Variants in CRADD observed in about 807,000 individuals in gnomAD.
The protein encoded by CRADD is death domain-containing protein CRADD.
CRADD carries 9 observed loss-of-function variants against 15.5 expected under a neutral mutation model. The ratio of observed to expected loss-of-function variants is 0.58; its 90% CI spans 0.35 to 1.01. The LOEUF (loss-of-function observed/expected upper bound fraction) is 1.01. Ranked by LOEUF, CRADD falls within the 50% of genes least tolerant of loss-of-function variation. The pLI is 0.02. For missense variants in CRADD, 227 were observed against 250.3 expected (o/e 0.91, Z 0.63); for synonymous variants, 118 against 107.6 (o/e 1.10, Z -0.60).
intron 2 of CRADD, among the ~76,000 whole-genome samples, chr12:93,713,006 G>A (rs991650117): frequency 2.6e-5 from 4 of 152,150 alleles, no homozygotes; most frequent in African/African-American, 9.7e-5. Context: ...GGACCATAGA[G>A]CTGCTCAAAT....
intron 2 of CRADD, among the ~76,000 whole-genome samples, chr12:93,833,117 G>A (rs1957929151): frequency 6.6e-6 from 1 of 152,160 alleles, no homozygotes; most frequent in Non-Finnish European, 1.5e-5. Context: ...ACTTTATTGT[G>A]TTACACAAAT....
chr12:93,740,803 C>G (rs1956654486), intron 2 of CRADD, among the ~76,000 whole-genome samples: 1 of 152,074 alleles, frequency 6.6e-6, no homozygotes, highest in Non-Finnish European at 1.5e-5. Flanking sequence ...AATAAAATGT[C>G]TATTTGCAGG....
At chr12:93,817,501 T>C (rs894361706) in intron 2 of CRADD, among the ~76,000 whole-genome samples, 21 of 152,328 alleles carry the variant, frequency 1.4e-4, no homozygotes, top group African/African-American at 5.1e-4. Flanking sequence ...AAGGTCACAG[T>C]GGCTGTCGCC....
intron 2 of CRADD, among the ~76,000 whole-genome samples, chr12:93,830,734 A>G (rs1341241907): frequency 6.6e-6 from 1 of 152,202 alleles, no homozygotes; most frequent in African/African-American, 2.4e-5. Flanking sequence ...ACTGAGCTCC[A>G]CAGTAATCAT....
At chr12:93,768,716 T>C (rs1198413500) in intron 2 of CRADD, among the ~76,000 whole-genome samples, 1 of 152,174 alleles carries the variant, frequency 6.6e-6, no homozygotes, top group Non-Finnish European at 1.5e-5. Context: ...TGCAGAAAAG[T>C]ACACAGATCC....
At chr12:93,722,153 C>A (rs1956277010) in intron 2 of CRADD, among the ~76,000 whole-genome samples, 1 of 152,194 alleles carries the variant, frequency 6.6e-6, no homozygotes, top group African/African-American at 2.4e-5. Context: ...CCTCTCCACA[C>A]TAAATAGTTC....
In CRADD at chr12:93,836,358, C is replaced by T. The variant is rs76309936; in HGVS notation, c.299-13612C>T. Among the ~76,000 whole-genome samples the T allele has an allele frequency of 9.3e-3, 1,410 of 152,180 alleles. 15 individuals carry two copies. The highest frequency in any genetic ancestry group is 0.031 in the African/African-American group (1,305 of 41,516). ...ATGGGCTTCATTTTTATTTTATTAC[C>T]TTTTCTTCATTCCCTTAGGTGTTAG... is the stretch of plus-strand genomic sequence containing the variant. On this transcript the variant is annotated intron_variant, in intron 2 of 2. Transcript: ENST00000332896.
intron 2 of CRADD, among the ~76,000 whole-genome samples, chr12:93,876,126 G>A (rs1011594638): frequency 2.6e-5 from 4 of 152,098 alleles, no homozygotes; most frequent in African/African-American, 9.7e-5. Flanking sequence ...CTTTAAATAT[G>A]TCATGTCATT....
rs368680930 is a variant in CRADD, at chr12:93,806,719, A to G, written c.299-43251A>G. Reference sequence around the variant, plus strand: ...AAAAATAAGGAGTAGAAGACATTACATGTTTCATAAGGTAAAGATTGATGG... The same window carrying G: ...AAAAATAAGGAGTAGAAGACATTACGTGTTTCATAAGGTAAAGATTGATGG... On this transcript the variant is annotated intron_variant, in intron 2 of 2. Transcript: ENST00000332896. 3.3e-5 allele frequency among the ~76,000 whole-genome samples: 5 copies of G among 152,234 alleles called. No individual in the cohort carries two copies. In the East Asian group the frequency reaches 5.8e-4, roughly 18 times the overall value.
chr12:93,716,963 C>T (rs1425031699), intron 2 of CRADD, among the ~76,000 whole-genome samples: 2 of 152,188 alleles, frequency 1.3e-5, no homozygotes, highest in East Asian at 1.9e-4. Context: ...AACTGTCTTC[C>T]AAAGTGGCTA....
intron 2 of CRADD, among the ~76,000 whole-genome samples, chr12:93,695,806 G>T (rs1339377468): frequency 1.3e-5 from 2 of 152,286 alleles, no homozygotes; most frequent in Admixed American, 1.3e-4. Flanking sequence ...TGAGGCAGGA[G>T]AATCACTTGA....
intron 2 of CRADD, among the ~76,000 whole-genome samples, chr12:93,820,085 T>G (rs1957752374): frequency 6.6e-6 from 1 of 152,226 alleles, no homozygotes; most frequent in African/African-American, 2.4e-5. Flanking sequence ...CAGCCCCCTT[T>G]GATGCTTCCC....
chr12:93,810,412 A>G (rs1301919326), intron 2 of CRADD, among the ~76,000 whole-genome samples: 3 of 151,912 alleles, frequency 2.0e-5, no homozygotes, highest in Admixed American at 6.6e-5. Context: ...TTAGCTGGGC[A>G]TGGTGGCGCA....
At chr12:93,873,077 A>G (rs1044906984) in intron 2 of CRADD, among the ~76,000 whole-genome samples, 3 of 151,864 alleles carry the variant, frequency 2.0e-5, no homozygotes, top group African/African-American at 7.3e-5. Context: ...GTCCTCTTCA[A>G]TTTCTTTCAT....
At chr12:93,817,354 G>A (rs1329151161) in intron 2 of CRADD, among the ~76,000 whole-genome samples, 3 of 152,326 alleles carry the variant, frequency 2.0e-5, no homozygotes, top group Non-Finnish European at 2.9e-5. Context: ...GACAGGGAAC[G>A]TGGAGCTTAA....
At chr12:93,682,979 C>T (rs186863088) in intron 2 of CRADD, among the ~76,000 whole-genome samples, 1 of 152,190 alleles carries the variant, frequency 6.6e-6, no homozygotes, top group Non-Finnish European at 1.5e-5. Context: ...TCTCTCTGGC[C>T]AAGGTCACAT....
intron 2 of CRADD, among the ~76,000 whole-genome samples, chr12:93,698,018 A>G (rs898621694): frequency 2.0e-5 from 3 of 152,190 alleles, no homozygotes; most frequent in African/African-American, 7.2e-5. Flanking sequence ...CTCTGGGGAT[A>G]GGGAAGGCAT....
chr12:93,852,631 T>A (rs1958237271), downstream of CRADD, among the ~76,000 whole-genome samples: 1 of 152,214 alleles, frequency 6.6e-6, no homozygotes, highest in South Asian at 2.1e-4. Context: ...TAATGCTACA[T>A]AGCAGCTGCC....
intron 2 of CRADD, among the ~76,000 whole-genome samples, chr12:93,825,713 G>T (rs529744005): frequency 8.5e-5 from 13 of 152,288 alleles, no homozygotes; most frequent in African/African-American, 3.1e-4. Flanking sequence ...TAGGCTATGA[G>T]AACCTATTTT....
Sources: allele counts gnomAD v4.1 joint callset (sites outside exome capture counted in the v4.1 genomes callset), GRCh38; gene constraint gnomAD v4.1.1; transcripts MANE v1.5; gene names NCBI Gene and HGNC (gene_info 2026-07-23, HGNC 2026-07-21).